Variants in POLR3E observed in about 807,000 individuals in gnomAD.
POLR3E encodes the protein RNA polymerase III subunit E.
POLR3E carries 41 observed loss-of-function variants against 96.6 expected under a neutral mutation model. That is an observed-to-expected ratio of 0.42 (90% CI 0.33 to 0.55). The LOEUF (loss-of-function observed/expected upper bound fraction) is 0.55. Ranked by LOEUF, POLR3E falls within the 20% of genes least tolerant of loss-of-function variation. POLR3E has a pLI of 0.06. For synonymous variants in POLR3E, 396 were observed against 383.6 expected (o/e 1.03, Z -0.38); for missense variants, 849 against 952.1 (o/e 0.89, Z 1.43).
chr16:22,305,035 T>C, intron 2 of POLR3E, 121 bp from the exon 3 acceptor site: 1 of 788,904 alleles, frequency 1.3e-6, no homozygotes, highest in Non-Finnish European at 2.3e-6. Context: ...AGCTATTTCC[T>C]CCTTCCCCAA....
chr16:22,323,867 C>T (rs1382497615), intron 14 of POLR3E, among the ~76,000 whole-genome samples: 4 of 152,204 alleles, frequency 2.6e-5, no homozygotes, highest in Admixed American at 1.3e-4. Context: ...GCCAGCCACC[C>T]TTCTCTCTCC....
In POLR3E at chr16:22,322,827, G is replaced by T. The variant is rs367567533; in HGVS notation, c.987-23G>T. On this transcript the variant is annotated intron_variant, in intron 13 of 20. Transcript: ENST00000299853. The surrounding 1 kb of genome is among the most constrained non-coding windows in gnomAD (Gnocchi z 5.2). ...GGGGGCTCAGGGCAGGGACTGACCT[G>T]CCATCCTCACCTGCATTGGCAGTGA... 9.5e-6 allele frequency: 15 copies of T among 1,576,352 alleles called. No individual in the cohort carries two copies. In the African/African-American group the frequency reaches 2.0e-4, roughly 21 times the overall value.
At chr16:22,331,121 G>C (rs2048731367) in intron 19 of POLR3E, among the ~76,000 whole-genome samples, 1 of 145,962 alleles carries the variant, frequency 6.9e-6, no homozygotes, top group Non-Finnish European at 1.5e-5. Flanking sequence ...TGGGATTATA[G>C]GCGTGTGCCA....
chr16:22,321,732 G>A (rs1320736145), intron 13 of POLR3E, among the ~76,000 whole-genome samples: 2 of 152,212 alleles, frequency 1.3e-5, no homozygotes, highest in Non-Finnish European at 2.9e-5. Context: ...CCCTGGAGGT[G>A]CTGCCCCTTT....
chr16:22,331,909 G>A (rs1424781911), intron 19 of POLR3E, 151 bp from the exon 20 acceptor site: 3 of 691,116 alleles, frequency 4.3e-6, no homozygotes, highest in East Asian at 5.2e-5. Flanking sequence ...CTCTAGAGAT[G>A]ACTTGGCTCA....
In POLR3E at chr16:22,322,917, G is replaced by A. The variant is rs1478215202; in HGVS notation, c.1054G>A (p.Gly352Ser). The change falls in exon 14 of 21, where the codon GGC becomes AGC. Residue 352 changes from glycine (G) to serine (S), a missense_variant. Coordinates refer to ENST00000299853, the MANE Select transcript of POLR3E (RefSeq NM_018119.4). This position sits in a 1 kb window ranked among gnomAD's most constrained non-coding sequence, Gnocchi z 5.2. The stretch of plus-strand genomic sequence containing the variant: ...CGTGCCTGCTGAGGTGCTCTGCAGG[G>A]GCCGAGACTTCGTTGTAAGTACCTT... ...SGVPAEVLCRGRDFVMWKFTQ... is the reference protein window; with the variant it reads ...SGVPAEVLCRSRDFVMWKFTQ... The A allele has an allele frequency of 6.2e-7, 1 of 1,612,104 alleles. No homozygotes were observed. Among genetic ancestry groups the A allele is most frequent in the Non-Finnish European group, 8.5e-7 (1 of 1,178,690 alleles).
In POLR3E at chr16:22,322,384, C is replaced by G. The variant is rs2048487936; in HGVS notation, c.987-466C>G. 6.6e-6 allele frequency among the ~76,000 whole-genome samples: 1 copy of G among 152,178 alleles called. No homozygotes were observed. Among genetic ancestry groups the G allele is most frequent in the Non-Finnish European group, 1.5e-5 (1 of 68,030 alleles). ...GTGCTGAGCCTGTTCTCTCCGAGGG[C>G]TAACATGCCTCCCCTGCCTCTGACC... is the stretch of plus-strand genomic sequence containing the variant. On this transcript the variant is annotated intron_variant, in intron 13 of 20. Coordinates refer to ENST00000299853, the MANE Select transcript of POLR3E (RefSeq NM_018119.4). This position sits in a 1 kb window ranked among gnomAD's most constrained non-coding sequence, Gnocchi z 5.2.
At chr16:22,324,233 C>A in intron 14 of POLR3E, 121 bp from the exon 15 acceptor site, 1 of 736,632 alleles carries the variant, frequency 1.4e-6, no homozygotes, top group Non-Finnish European at 2.4e-6. Context: ...TGGGAAGAAT[C>A]AAGGCCAGGA....
At chr16:22,317,788 C>T (rs1032701659) in intron 12 of POLR3E, among the ~76,000 whole-genome samples, 98 of 151,868 alleles carry the variant, frequency 6.5e-4, no homozygotes, top group African/African-American at 2.0e-3. Flanking sequence ...TACAAGCAGA[C>T]GCCATTCACT....
chr16:22,325,615 C>T, intron 17 of POLR3E, 146 bp from the exon 18 acceptor site: 1 of 965,906 alleles, frequency 1.0e-6, no homozygotes, highest in Non-Finnish European at 1.5e-6. Context: ...ACGGTTCTCT[C>T]TTCCACTGAT....
chr16:22,318,657 G>A lies in POLR3E; in HGVS notation c.866-169G>A, dbSNP rs191671727. On this transcript the variant is annotated intron_variant, in intron 12 of 20. Coordinates refer to ENST00000299853, the MANE Select transcript of POLR3E (RefSeq NM_018119.4). This position sits in a 1 kb window ranked among gnomAD's most constrained non-coding sequence, Gnocchi z 5.0. Reference sequence around the variant, plus strand: ...TCATGAGGTGCCCAGTGCCTGGCATGTAGTGAGCAGCCTGAGAGTGTCAGC... The same window carrying A: ...TCATGAGGTGCCCAGTGCCTGGCATATAGTGAGCAGCCTGAGAGTGTCAGC... 6.6e-6 allele frequency among the ~76,000 whole-genome samples: 1 copy of A among 152,270 alleles called. No individual in the cohort carries two copies. Among genetic ancestry groups the A allele is most frequent in the Non-Finnish European group, 1.5e-5 (1 of 68,030 alleles).
chr16:22,317,737 C>G (rs757637766), intron 12 of POLR3E, among the ~76,000 whole-genome samples: 13 of 151,360 alleles, frequency 8.6e-5, no homozygotes, highest in Non-Finnish European at 1.3e-4. Context: ...ACTCCTGGGC[C>G]CAAGTGATCC....
Position 22,326,015 on chromosome 16 carries a change from CCT to C in POLR3E, c.1607_1608del (p.Leu536ArgfsTer97). 6.3e-7 allele frequency: 1 copy of C among 1,599,328 alleles called. No homozygotes were observed. Among genetic ancestry groups the C allele is most frequent in the Non-Finnish European group, 8.5e-7 (1 of 1,171,670 alleles). ...CCACAGCAAGCTGGCCAACGGGCTG[CCT>C]CTCGGGCGGGCTGCGGGCACAGACA... Reference protein sequence around the residue: ...GLHSKLANGLPLGRAAGTDSF... With the variant: ...GLHSKLANGLXLGRAAGTDSF... On this transcript the variant is annotated frameshift_variant, in exon 18 of 21. Coordinates refer to ENST00000299853, the MANE Select transcript of POLR3E (RefSeq NM_018119.4). LOFTEE classifies it high-confidence loss of function.
intron 2 of POLR3E, among the ~76,000 whole-genome samples, chr16:22,303,639 CTTTTT>C (rs58949663): frequency 1.8e-5 from 2 of 114,268 alleles, no homozygotes. Flanking sequence ...GCAGATTTCC[CTTTTT>C]TTTTTTTTTT....
intron 3 of POLR3E, among the ~76,000 whole-genome samples, chr16:22,306,638 G>T (rs2048138275): frequency 6.6e-6 from 1 of 152,196 alleles, no homozygotes; most frequent in African/African-American, 2.4e-5. Context: ...ATGGGTATTT[G>T]GGTTATTTCT....
rs2048189005 is a variant in POLR3E at position 22,308,994 on chromosome 16, C to G, written c.235C>G (p.Leu79Val). Reference protein sequence around the residue: ...YCRSKGEQIALNVDGACADET... With the variant: ...YCRSKGEQIAVNVDGACADET... ...CCGCAGCAAAGGGGAGCAGATTGCG[C>G]TGAACGTGGACGGGGCCTGCGCCGA... The change falls in exon 5 of 21, where the codon CTG (leucine) becomes GTG (valine). Residue 79 changes from leucine to valine, a missense_variant. Leu to Val is a conservative substitution (Grantham distance 32). Coordinates refer to ENST00000299853, the MANE Select transcript of POLR3E (RefSeq NM_018119.4). 6.2e-7 allele frequency: 1 copy of G among 1,613,958 alleles called. No individual in the cohort carries two copies. Among genetic ancestry groups the G allele is most frequent in the Non-Finnish European group, 8.5e-7 (1 of 1,179,966 alleles).
At chr16:22,307,355 G>A (rs1022230119) in intron 3 of POLR3E, among the ~76,000 whole-genome samples, 5 of 152,164 alleles carry the variant, frequency 3.3e-5, no homozygotes, top group South Asian at 2.1e-4. Flanking sequence ...GGAAATGACC[G>A]TCTCCTTGCG....
chr16:22,331,815 G>T (rs548610836), intron 19 of POLR3E: 2 of 395,688 alleles, frequency 5.1e-6, no homozygotes, highest in Non-Finnish European at 9.3e-6. Flanking sequence ...ATATACCTTT[G>T]TTTTTATTTA....
Position 22,308,934 on chromosome 16 carries a change from G to C in POLR3E, c.175G>C (p.Glu59Gln). Residue 59 changes from glutamate (E) to glutamine (Q), a missense_variant, in exon 5 of 21, where the codon GAG becomes CAG. By Grantham distance (29) the Glu-to-Gln change is conservative. Transcript: ENST00000299853. ...TGCTTGGTGCCTCCAGGTAGAGCTT[G>C]AGATGGCCATCGACACCCTGAACCC... Reference protein sequence around the residue: ...IKPKQQKVELEMAIDTLNPNY... With the variant: ...IKPKQQKVELQMAIDTLNPNY... The C allele has an allele frequency of 1.2e-6, 2 of 1,612,960 alleles. No individual in the cohort carries two copies. Among genetic ancestry groups the C allele is most frequent in the Non-Finnish European group, 1.7e-6 (2 of 1,179,024 alleles).
Sources: allele counts gnomAD v4.1 joint callset (sites outside exome capture counted in the v4.1 genomes callset), GRCh38; gene constraint gnomAD v4.1.1; non-coding constraint Gnocchi (gnomAD v3.1); transcripts MANE v1.5; gene names NCBI Gene and HGNC (gene_info 2026-07-23, HGNC 2026-07-21).